Variants in LEPR observed in about 807,000 individuals in gnomAD.
LEPR encodes OB receptor.
A neutral mutation model predicts 114.7 loss-of-function variants in LEPR; 56 were observed. That is an observed-to-expected ratio of 0.49 (90% CI 0.39 to 0.61). The LOEUF (loss-of-function observed/expected upper bound fraction) is 0.61, where lower values mean the gene tolerates loss of function less well. LEPR is among the 20% of genes least tolerant of loss of function. The probability of loss-of-function intolerance (pLI) is 0.00; values close to 1 mark genes in which losing one functional copy is unlikely to be tolerated. For synonymous variants in LEPR, 443 were observed against 461.4 expected, an observed-to-expected ratio of 0.96 and a Z score of 0.51; for missense variants, 1,202 against 1,352.9, an observed-to-expected ratio of 0.89 and a Z score of 1.75.
rs377327702 is a variant in LEPR, at chr1:65,611,346, G to T, written c.1995+1050G>T. On this transcript the variant is annotated intron_variant, in intron 14 of 19. Coordinates refer to ENST00000349533, the MANE Select transcript of LEPR (RefSeq NM_002303.6). The stretch of plus-strand genomic sequence containing the variant: ...GGAATTCAGGACCTGTATTCTGAGA[G>T]ATTGAGTGGGCGGTTGAACCCACCG... Among the ~76,000 whole-genome samples, 115 of 152,302 alleles carry T rather than the reference G, an allele frequency of 7.6e-4. No homozygotes were observed. In the Middle Eastern group the frequency reaches 0.02, roughly 27 times the overall value.
At position 65,622,930 on chromosome 1, in the gene LEPR, T is replaced by C. The variant is rs1657972454; in HGVS notation, c.2622T>C (p.Asp874=). Residue 874 remains aspartate (D), a synonymous_variant, in exon 19 of 20, where the codon GAT becomes GAC. Transcript: ENST00000349533. The stretch of plus-strand genomic sequence containing the variant: ...GAATGAAAAAGCTATTTTGGGAAGA[T>C]GTTCCGAACCCCAAGAATTGTTCCT... ...HQRMKKLFWE[D]VPNPKNCSWA... 1.9e-6 allele frequency: 3 copies of C among 1,613,940 alleles called. No individual in the cohort carries two copies. Among genetic ancestry groups the C allele is most frequent in the Non-Finnish European group, 2.5e-6 (3 of 1,179,962 alleles).
At chr1:65,527,195 A>T (rs956753032) in intron 2 of LEPR, among the ~76,000 whole-genome samples, 9 of 152,330 alleles carry the variant, frequency 5.9e-5, no homozygotes, top group Admixed American at 2.0e-4. Context: ...AGTGCTGGCT[A>T]CTTTTTAGCA....
At position 65,447,156 on chromosome 1, in the gene LEPR, C is replaced by T. The variant is rs1646724277; in HGVS notation, c.-21+21778C>T. On this transcript the variant is annotated intron_variant, in intron 2 of 19. Coordinates refer to ENST00000349533, the MANE Select transcript of LEPR (RefSeq NM_002303.6). ...GGATGGATCATAGTTTTGGCATCTT[C>T]TTAGAAATCTTTGCCTAATGTCGTG... 2.0e-5 allele frequency among the ~76,000 whole-genome samples: 3 copies of T among 151,988 alleles called. No homozygotes were observed. The South Asian group carries it at 6.2e-4, about 32-fold the overall frequency.
intron 2 of LEPR, among the ~76,000 whole-genome samples, chr1:65,518,918 T>TTTCC (rs1649463274): frequency 1.8e-5 from 1 of 56,076 alleles, no homozygotes; most frequent in Non-Finnish European, 5.7e-5. Context: ...TCTTTCTTTC[T>TTTCC]CTCTTTCTCT....
At chr1:65,423,514 A>G (rs1039988709) in intron 1 of LEPR, among the ~76,000 whole-genome samples, 1 of 152,204 alleles carries the variant, frequency 6.6e-6, no homozygotes, top group African/African-American at 2.4e-5. Context: ...GGTCAGGCAC[A>G]GAGGAGAGGA....
chr1:65,598,344 T>C (rs993401507), intron 7 of LEPR, among the ~76,000 whole-genome samples: 43 of 152,180 alleles, frequency 2.8e-4, no homozygotes, highest in African/African-American at 1.0e-3. Flanking sequence ...GTGTCAGTAG[T>C]GGCTTAAAGC....
chr1:65,597,918 G>T (rs1192486393), intron 7 of LEPR, among the ~76,000 whole-genome samples: 1 of 128,220 alleles, frequency 7.8e-6, no homozygotes, highest in Non-Finnish European at 1.6e-5. Context: ...TTTTAAATAG[G>T]AGTTATTAAT....
intron 2 of LEPR, chr1:65,430,164 T>A: frequency 1.1e-6 from 1 of 911,902 alleles, no homozygotes; most frequent in African/African-American, 1.7e-5. Flanking sequence ...GGCCGTGTGT[T>A]TTTAGTTTCT....
At chr1:65,557,435 A>T (rs1233481700) in intron 2 of LEPR, among the ~76,000 whole-genome samples, 1 of 151,580 alleles carries the variant, frequency 6.6e-6, no homozygotes, top group Non-Finnish European at 1.5e-5. Flanking sequence ...TCTGTCTTTT[A>T]TTTAGACAGA....
intron 2 of LEPR, among the ~76,000 whole-genome samples, chr1:65,447,479 C>A (rs1426536410): frequency 6.7e-6 from 1 of 149,912 alleles, no homozygotes; most frequent in African/African-American, 2.4e-5. Flanking sequence ...GGATTTATAC[C>A]GAAGTAGTTT....
intron 2 of LEPR, among the ~76,000 whole-genome samples, chr1:65,466,919 C>T (rs1647020898): frequency 6.6e-6 from 1 of 151,998 alleles, no homozygotes; most frequent in Admixed American, 6.6e-5. Context: ...TCTAGTTAGC[C>T]ATTCATTCTT....
intron 18 of LEPR, among the ~76,000 whole-genome samples, chr1:65,621,992 T>C (rs983680839): frequency 1.3e-5 from 2 of 152,098 alleles, no homozygotes; most frequent in Non-Finnish European, 2.9e-5. Context: ...TTATTTGTGG[T>C]TTATGGTAAT....
intron 2 of LEPR, chr1:65,432,086 TCTCAGCAAATAGA>T: frequency 7.5e-7 from 1 of 1,335,418 alleles, no homozygotes; most frequent in Non-Finnish European, 9.6e-7. Context: ...TGAGTTTTAT[TCTCAGCAAATAGA>T]CCTGTCAAAT....
intron 2 of LEPR, chr1:65,432,424 A>G (rs1646498728): frequency 4.0e-6 from 3 of 757,948 alleles, no homozygotes; most frequent in Non-Finnish European, 3.2e-6. Flanking sequence ...GACCCAGGAC[A>G]TTTTGATGAG....
chr1:65,447,205 C>T (rs576123529), intron 2 of LEPR, among the ~76,000 whole-genome samples: 21 of 152,012 alleles, frequency 1.4e-4, no homozygotes, highest in African/African-American at 5.1e-4. Flanking sequence ...ATGTTTTCTT[C>T]AAAGTTTTAT....
At chr1:65,564,827 C>G (rs1443123148) in intron 2 of LEPR, among the ~76,000 whole-genome samples, 1 of 152,232 alleles carries the variant, frequency 6.6e-6, no homozygotes, top group African/African-American at 2.4e-5. Flanking sequence ...ATCCAAAGTC[C>G]AAGCCACATA....
chr1:65,549,572 A>G (rs1050646044), intron 2 of LEPR, among the ~76,000 whole-genome samples: 1 of 152,044 alleles, frequency 6.6e-6, no homozygotes, highest in African/African-American at 2.4e-5. Flanking sequence ...TTCATCTTCC[A>G]TCACTGATAC....
At chr1:65,435,378 T>C (rs1570443261) in intron 2 of LEPR, 2 of 945,342 alleles carry the variant, frequency 2.1e-6, no homozygotes, top group Non-Finnish European at 2.5e-6. Flanking sequence ...TTTTTTTTTT[T>C]TTTTTTTGAG....
At chr1:65,546,052 T>A (rs894747655) in intron 2 of LEPR, among the ~76,000 whole-genome samples, 9 of 151,710 alleles carry the variant, frequency 5.9e-5, no homozygotes, top group African/African-American at 2.2e-4. Flanking sequence ...CAGCACCATT[T>A]ATTAAATAGG....
Sources: allele counts gnomAD v4.1 joint callset (sites outside exome capture counted in the v4.1 genomes callset), GRCh38; gene constraint gnomAD v4.1.1; transcripts MANE v1.5; gene names NCBI Gene and HGNC (gene_info 2026-07-23, HGNC 2026-07-21).